Variants in RBFOX1 observed in about 807,000 individuals in gnomAD.
RBFOX1 encodes RNA binding fox-1 homolog 1.
RBFOX1 carries 8 observed loss-of-function variants against 57.7 expected under a neutral mutation model. That is an observed-to-expected ratio of 0.14 (90% confidence interval 0.08 to 0.25). The LOEUF is 0.25. Among genes scored for constraint, RBFOX1 ranks in the 10% least tolerant of loss-of-function variants. The pLI, the probability that RBFOX1 is intolerant of heterozygous loss-of-function variation, is 1.00. For missense variants in RBFOX1, 611 were observed against 548.5 expected (o/e 1.11, Z -1.14); for synonymous variants, 326 against 222.4 (o/e 1.47, Z -4.15).
intron 3 of RBFOX1, among the ~76,000 whole-genome samples, chr16:5,674,757 G>C (rs75089073): frequency 2.4e-4 from 37 of 152,298 alleles, no homozygotes; most frequent in African/African-American, 8.7e-4. Flanking sequence ...TGTAACTTCA[G>C]ATGAGCCACT....
chr16:7,165,411 A>C (rs2079244140), intron 4 of RBFOX1, among the ~76,000 whole-genome samples: 1 of 148,160 alleles, frequency 6.7e-6, no homozygotes, highest in African/African-American at 2.5e-5. Flanking sequence ...AATAATAATG[A>C]TAATAATCAT....
intron 14 of RBFOX1, among the ~76,000 whole-genome samples, chr16:7,691,489 AAGG>A (rs1318798197): frequency 7.2e-5 from 11 of 151,798 alleles, no homozygotes; most frequent in Admixed American, 6.6e-4. Context: ...AAGAGGAAGA[AAGG>A]AGGAAGGAAA....
chr16:5,315,836 G>A (rs748496262), intron 1 of RBFOX1, among the ~76,000 whole-genome samples: 1 of 152,104 alleles, frequency 6.6e-6, no homozygotes, highest in Non-Finnish European at 1.5e-5. Context: ...CCACCTCTGT[G>A]CTCACATTGT....
chr16:5,296,217 G>C (rs1234210221), intron 1 of RBFOX1, among the ~76,000 whole-genome samples: 2 of 152,214 alleles, frequency 1.3e-5, no homozygotes, highest in African/African-American at 2.4e-5. Context: ...TTCAGACTCG[G>C]TGTAGCATTT....
At position 7,641,191 on chromosome 16, in the gene RBFOX1, T is replaced by G. The variant is rs139422223; in HGVS notation, c.757+10508T>G. ...TTCATCAAATACCAGTCTTCTTGGA[T>G]AGAAATGTGTCCAACCATAGAGGTG... is the stretch of plus-strand genomic sequence containing the variant. On this transcript the variant is annotated intron_variant, in intron 11 of 15. Coordinates refer to ENST00000550418, the MANE Select transcript of RBFOX1 (RefSeq NM_018723.4). 4.9e-3 allele frequency among the ~76,000 whole-genome samples: 742 copies of G among 152,274 alleles called. 29 individuals are homozygous for G. Among genetic ancestry groups the G allele is most frequent in the Admixed American group, 0.045 (695 of 15,296 alleles).
intron 2 of RBFOX1, among the ~76,000 whole-genome samples, chr16:6,360,946 C>G (rs1017740433): frequency 3.1e-5 from 4 of 127,570 alleles, no homozygotes; most frequent in African/African-American, 1.1e-4. Flanking sequence ...CCTTTCACAT[C>G]TTTTTTATTT....
At position 7,301,288 on chromosome 16, in the gene RBFOX1, A is replaced by G. The variant is rs528190773; in HGVS notation, c.28-216859A>G. 2.6e-5 allele frequency among the ~76,000 whole-genome samples: 4 copies of G among 152,282 alleles called. No individual in the cohort carries two copies. In the East Asian group the frequency reaches 5.8e-4, roughly 22 times the overall value. On this transcript the variant is annotated intron_variant, in intron 4 of 15. Transcript: ENST00000550418. ...TAGTTGCAGTGTTTATGGGAAGGGG[A>G]CTTGTCCCTGTGTGTGATTGTGTTT...
rs561381295 is a variant in RBFOX1, at chr16:7,461,173, C to G, written c.28-56974C>G. ...TGAGGATGAAAAAACAAAGGCAAAA[C>G]AATTTTTTTTTTTTTGAGACAGTCT... On this transcript the variant is annotated intron_variant, in intron 4 of 15. Coordinates refer to ENST00000550418, the MANE Select transcript of RBFOX1 (RefSeq NM_018723.4). Among the ~76,000 whole-genome samples, 243 of 149,894 alleles carry G rather than the reference C, an allele frequency of 1.6e-3. 1 individual carries two copies. Among genetic ancestry groups the G allele is most frequent in the African/African-American group, 5.9e-3 (237 of 40,202 alleles).
chr16:6,359,131 C>T (rs554293585), intron 2 of RBFOX1, among the ~76,000 whole-genome samples: 4 of 152,132 alleles, frequency 2.6e-5, no homozygotes, highest in Non-Finnish European at 5.9e-5. Context: ...CTAGCTCTGT[C>T]ACCCAGGCTG....
At chr16:6,928,210 G>T (rs1293972640) in intron 3 of RBFOX1, among the ~76,000 whole-genome samples, 1 of 152,140 alleles carries the variant, frequency 6.6e-6, no homozygotes, top group Non-Finnish European at 1.5e-5. Context: ...TGATGTCTGG[G>T]TACTGCCCCC....
At chr16:5,358,973 C>G (rs1018977319) in intron 1 of RBFOX1, among the ~76,000 whole-genome samples, 1 of 152,194 alleles carries the variant, frequency 6.6e-6, no homozygotes, top group Non-Finnish European at 1.5e-5. Flanking sequence ...ATTACCCTTC[C>G]TAGCCTCTGG....
At chr16:5,722,496 C>T (rs12325463) in intron 3 of RBFOX1, among the ~76,000 whole-genome samples, 8,759 of 152,238 alleles carry the variant, frequency 0.058, 673 homozygotes, top group African/African-American at 0.16. Context: ...CATCTATCCC[C>T]GTGTCCAGGT....
intron 3 of RBFOX1, among the ~76,000 whole-genome samples, chr16:7,048,326 C>G (rs1305259743): frequency 6.6e-6 from 1 of 152,144 alleles, no homozygotes; most frequent in Admixed American, 6.5e-5. Flanking sequence ...GTGGCACAAT[C>G]TTGGCTCACT....
intron 4 of RBFOX1, among the ~76,000 whole-genome samples, chr16:7,359,293 A>G (rs2097275065): frequency 6.6e-6 from 1 of 152,228 alleles, no homozygotes; most frequent in Non-Finnish European, 1.5e-5. Flanking sequence ...AGCTGTATGT[A>G]GCATGTAGCT....
At chr16:6,294,790 C>T (rs187407429) in intron 1 of RBFOX1, among the ~76,000 whole-genome samples, 1 of 152,110 alleles carries the variant, frequency 6.6e-6, no homozygotes, top group Non-Finnish European at 1.5e-5. Flanking sequence ...TGTTTTGAGT[C>T]TCTGATGGAG....
intron 14 of RBFOX1, among the ~76,000 whole-genome samples, chr16:7,689,207 C>G (rs987637324): frequency 6.6e-6 from 1 of 152,100 alleles, no homozygotes; most frequent in African/African-American, 2.4e-5. Context: ...TCCCATGAGC[C>G]AAGACAAACA....
intron 1 of RBFOX1, among the ~76,000 whole-genome samples, chr16:6,048,686 A>G (rs967027099): frequency 6.6e-6 from 1 of 152,170 alleles, no homozygotes. Flanking sequence ...CTTATCATTC[A>G]TTATATACGA....
chr16:6,009,816 C>CTGTGTG (rs148472437), intron 4 of RBFOX1, among the ~76,000 whole-genome samples: 26 of 148,530 alleles, frequency 1.8e-4, no homozygotes, highest in East Asian at 4.0e-4. Context: ...GTGTGTGTGT[C>CTGTGTG]TGTGTGTGTG....
intron 4 of RBFOX1, among the ~76,000 whole-genome samples, chr16:7,208,368 G>A (rs978965201): frequency 6.6e-6 from 1 of 152,192 alleles, no homozygotes. Flanking sequence ...AAAGAGGGGT[G>A]TTTTGGCTTA....
Sources: gnomAD v4.1 joint callset for allele counts (sites outside exome capture counted in the v4.1 genomes callset) on GRCh38, gnomAD v4.1.1 for gene constraint, MANE v1.5 for transcripts, NCBI Gene and HGNC (gene_info 2026-07-23, HGNC 2026-07-21) for gene names.